Variants in TMPRSS11F observed in about 807,000 individuals in gnomAD.
TMPRSS11F encodes transmembrane protease serine 11F.
A neutral mutation model predicts 60.2 loss-of-function variants in TMPRSS11F; 47 were observed. The ratio of observed to expected loss-of-function variants is 0.78; its 90% CI spans 0.62 to 1.00. The LOEUF is 1.00. Among genes scored for constraint, TMPRSS11F ranks in the 50% least tolerant of loss-of-function variants. The pLI is 0.00. For missense variants in TMPRSS11F, 519 were observed against 522.9 expected (o/e 0.99, Z 0.07); for synonymous variants, 166 against 167.3 (o/e 0.99, Z 0.06).
At chr4:68,098,209 G>C (rs1355829546) in intron 2 of TMPRSS11F, among the ~76,000 whole-genome samples, 1 of 152,082 alleles carries the variant, frequency 6.6e-6, no homozygotes, top group Admixed American at 6.6e-5. Flanking sequence ...GGAGGCTGAG[G>C]CAGGAGAATT....
chr4:68,095,661 G>A (rs188055245), intron 2 of TMPRSS11F, among the ~76,000 whole-genome samples: 1 of 152,038 alleles, frequency 6.6e-6, no homozygotes, highest in African/African-American at 2.4e-5. Flanking sequence ...ACTTTGGGAG[G>A]CCAAGTCGGG....
chr4:68,061,460 G>T (rs538156542), intron 8 of TMPRSS11F, among the ~76,000 whole-genome samples: 1 of 152,118 alleles, frequency 6.6e-6, no homozygotes, highest in African/African-American at 2.4e-5. Context: ...ATGATGTTCC[G>T]ATTTAAACTG....
Position 68,100,692 on chromosome 4 carries a change from G to A in TMPRSS11F, c.12-1654C>T, listed in dbSNP as rs1466548462. Among the ~76,000 whole-genome samples the A allele has an allele frequency of 2.6e-5, 4 of 152,244 alleles. No homozygotes were observed. In the East Asian group the frequency reaches 5.8e-4, roughly 22 times the overall value. On this transcript the variant is annotated intron_variant, in intron 1 of 9. Transcript: ENST00000356291. Reference sequence around the variant, plus strand: ...AATAAAGAGCAATTTGCTGTCCTTAGACTTGGGTCTGGGTCTGAACCAAAT... The same window carrying A: ...AATAAAGAGCAATTTGCTGTCCTTAAACTTGGGTCTGGGTCTGAACCAAAT...
chr4:68,111,067 GT>G (rs1263778715), intron 1 of TMPRSS11F, among the ~76,000 whole-genome samples: 1 of 152,092 alleles, frequency 6.6e-6, no homozygotes, highest in African/African-American at 2.4e-5. Context: ...ATTAGAGACT[GT>G]TTTTATACAA....
chr4:68,085,946 C>A (rs77595050), intron 3 of TMPRSS11F, among the ~76,000 whole-genome samples: 11 of 151,906 alleles, frequency 7.2e-5, no homozygotes, highest in Non-Finnish European at 1.6e-4. Flanking sequence ...ATCAACAGTC[C>A]CACTGATAAC....
At chr4:68,128,438 C>A (rs1283592107) in intron 1 of TMPRSS11F, among the ~76,000 whole-genome samples, 1 of 151,876 alleles carries the variant, frequency 6.6e-6, no homozygotes, top group Non-Finnish European at 1.5e-5. Context: ...ATAATAAAAC[C>A]AAAAAATCCT....
chr4:68,107,210 T>C (rs945050795), intron 1 of TMPRSS11F, among the ~76,000 whole-genome samples: 1 of 152,218 alleles, frequency 6.6e-6, no homozygotes, highest in African/African-American at 2.4e-5. Context: ...AGTTAGTACA[T>C]GTTCATTGGA....
chr4:68,104,773 C>A (rs931367037), intron 1 of TMPRSS11F, among the ~76,000 whole-genome samples: 2 of 152,072 alleles, frequency 1.3e-5, no homozygotes, highest in African/African-American at 2.4e-5. Context: ...AATCATGAGG[C>A]TTTTATCTAT....
chr4:68,062,561 G>C (rs1408137883), intron 8 of TMPRSS11F: 3 of 807,336 alleles, frequency 3.7e-6, no homozygotes, highest in East Asian at 2.5e-5. Context: ...CTCTAGCAAC[G>C]CCTGCCATCT....
intron 8 of TMPRSS11F, chr4:68,061,750 A>G (rs2109831631): frequency 2.3e-6 from 1 of 427,830 alleles, no homozygotes; most frequent in East Asian, 7.1e-5. Context: ...AGCTTCCTAC[A>G]TTGAAATACA....
At chr4:68,080,898 A>AT (rs1723685565) in intron 3 of TMPRSS11F, 1 of 152,220 alleles carries the variant, frequency 6.6e-6, no homozygotes, top group South Asian at 2.1e-4. Flanking sequence ...GTCATCACAC[A>AT]TCCCCAAGTT....
chr4:68,117,323 T>G (rs1460016396), intron 1 of TMPRSS11F, among the ~76,000 whole-genome samples: 1 of 150,974 alleles, frequency 6.6e-6, no homozygotes, highest in Non-Finnish European at 1.5e-5. Flanking sequence ...GAAAATTAGC[T>G]GGGTGAGGTG....
chr4:68,057,234 T>C (rs907246637), intron 9 of TMPRSS11F, among the ~76,000 whole-genome samples: 1 of 142,938 alleles, frequency 7.0e-6, no homozygotes, highest in Non-Finnish European at 1.5e-5. Flanking sequence ...GCAGTGATTC[T>C]AGATCGTACC....
intron 3 of TMPRSS11F, among the ~76,000 whole-genome samples, chr4:68,088,380 C>A (rs1433929245): frequency 5.3e-5 from 8 of 150,526 alleles, no homozygotes; most frequent in Non-Finnish European, 1.0e-4. Flanking sequence ...CAGGAGCACC[C>A]AGATTCATAA....
chr4:68,081,936 A>C (rs1056475644), intron 3 of TMPRSS11F, among the ~76,000 whole-genome samples: 2 of 152,202 alleles, frequency 1.3e-5, no homozygotes, highest in African/African-American at 4.8e-5. Flanking sequence ...CCAATGAAAA[A>C]TAACTGAGAA....
rs1223223113 is a variant in TMPRSS11F at position 68,068,603 on chromosome 4, C to G, written c.755+15G>C. On this transcript the variant is annotated intron_variant, in intron 7 of 9. Coordinates refer to ENST00000356291, the MANE Select transcript of TMPRSS11F (RefSeq NM_207407.2). Reference sequence around the variant, plus strand: ...ACTGTGAAAAGAAGGCTCACAGCAGCCTTGGTTAACTTACTTCCAAAAGCA... The same window carrying G: ...ACTGTGAAAAGAAGGCTCACAGCAGGCTTGGTTAACTTACTTCCAAAAGCA... 6.2e-7 allele frequency: 1 copy of G among 1,611,796 alleles called. No individual in the cohort carries two copies. The highest frequency in any genetic ancestry group is 8.5e-7 in the Non-Finnish European group (1 of 1,178,124).
At chr4:68,120,043 G>T (rs141923002) in intron 1 of TMPRSS11F, among the ~76,000 whole-genome samples, 245 of 152,296 alleles carry the variant, frequency 1.6e-3, no homozygotes, top group African/African-American at 5.7e-3. Flanking sequence ...AGTGGAGGAA[G>T]TAACTGCAGA....
chr4:68,080,473 C>G (rs1170264488), intron 3 of TMPRSS11F: 2 of 152,288 alleles, frequency 1.3e-5, no homozygotes, highest in Non-Finnish European at 2.9e-5. Context: ...CACACCTGCA[C>G]TTCTCCAGAG....
At chr4:68,098,662 AT>A (rs1724127623) in intron 2 of TMPRSS11F, among the ~76,000 whole-genome samples, 1 of 152,174 alleles carries the variant, frequency 6.6e-6, no homozygotes, top group Non-Finnish European at 1.5e-5. Flanking sequence ...TTTTTTATGT[AT>A]TTCTTTTAGA....
Sources: gnomAD v4.1 joint callset for allele counts (sites outside exome capture counted in the v4.1 genomes callset) on GRCh38, gnomAD v4.1.1 for gene constraint, MANE v1.5 for transcripts, NCBI Gene and HGNC (gene_info 2026-07-23, HGNC 2026-07-21) for gene names.